ITGBL1: variants seen among roughly 807,000 people sequenced by gnomAD.
ITGBL1 encodes the protein integrin subunit beta like 1, also known as integrin beta-like protein 1.
ITGBL1 carries 51 observed loss-of-function variants against 68.5 expected under a neutral mutation model. That is an observed-to-expected ratio of 0.74 (90% CI 0.59 to 0.94). The LOEUF is 0.94. ITGBL1 is among the 40% of genes least tolerant of loss of function. The pLI is 0.00. For missense variants in ITGBL1, 649 were observed against 647.4 expected, an observed-to-expected ratio of 1.00 and a Z score of -0.03; for synonymous variants, 209 against 227.3, an observed-to-expected ratio of 0.92 and a Z score of 0.72.
chr13:101,559,187 A>G (rs1451056288), intron 2 of ITGBL1, among the ~76,000 whole-genome samples: 2 of 152,198 alleles, frequency 1.3e-5, no homozygotes, highest in Non-Finnish European at 1.5e-5. Context: ...TGCTTTTAGT[A>G]GCAAACAAGA....
intron 7 of ITGBL1, among the ~76,000 whole-genome samples, chr13:101,656,178 G>A (rs1389218821): frequency 6.6e-6 from 1 of 152,156 alleles, no homozygotes; most frequent in Non-Finnish European, 1.5e-5. Flanking sequence ...AGAGACTGTG[G>A]AGACCAAGGT....
At chr13:101,508,771 A>G (rs1259642791) in intron 2 of ITGBL1, among the ~76,000 whole-genome samples, 1 of 152,144 alleles carries the variant, frequency 6.6e-6, no homozygotes, top group Non-Finnish European at 1.5e-5. Flanking sequence ...GTTTTTGTCC[A>G]GAGCTCAGAT....
intron 7 of ITGBL1, among the ~76,000 whole-genome samples, chr13:101,604,874 A>ATATATATATATATATATATG (rs2030614967): frequency 2.4e-5 from 1 of 42,044 alleles, no homozygotes; most frequent in Non-Finnish European, 5.0e-5. Context: ...ATATATATAT[A>ATATATATATATATATATATG]TATATATATA....
chr13:101,647,667 T>G (rs2217903), intron 7 of ITGBL1, among the ~76,000 whole-genome samples: 124,487 of 152,040 alleles, frequency 0.82, 51,028 homozygotes, highest in Middle Eastern at 0.88. Flanking sequence ...AACTTGGATA[T>G]AAGAAGAGAA....
intron 7 of ITGBL1, among the ~76,000 whole-genome samples, chr13:101,644,110 C>A (rs571244706): frequency 6.6e-6 from 1 of 152,272 alleles, no homozygotes; most frequent in East Asian, 1.9e-4. Context: ...GCATGCTTGG[C>A]CCTCCCTGTT....
At chr13:101,705,915 C>G (rs560064924) in intron 8 of ITGBL1, among the ~76,000 whole-genome samples, 1 of 152,142 alleles carries the variant, frequency 6.6e-6, no homozygotes, top group Non-Finnish European at 1.5e-5. Flanking sequence ...CTCAGTAACT[C>G]TTCGCTAGGC....
chr13:101,585,574 G>A (rs561496463), intron 6 of ITGBL1, among the ~76,000 whole-genome samples: 1 of 152,118 alleles, frequency 6.6e-6, no homozygotes, highest in Admixed American at 6.5e-5. Context: ...GGGGCTACAG[G>A]TGCCCACCAC....
chr13:101,508,469 A>G (rs561312833), intron 2 of ITGBL1, among the ~76,000 whole-genome samples: 3 of 152,194 alleles, frequency 2.0e-5, no homozygotes, highest in Non-Finnish European at 4.4e-5. Flanking sequence ...AAACTGCTTT[A>G]TAAGAATATG....
rs150875474 is a variant in ITGBL1, at chr13:101,614,550, C to G, written c.1015+16251C>G. On this transcript the variant is annotated intron_variant, in intron 7 of 10. Coordinates refer to ENST00000376180, the MANE Select transcript of ITGBL1 (RefSeq NM_004791.3). ...ATTATTAAATCAAAGAACTGACCAG[C>G]GAATCCATATCAGCTCCCTACAATC... Among the ~76,000 whole-genome samples, 1,202 of 152,214 alleles carry G rather than the reference C, an allele frequency of 7.9e-3. 16 individuals carry two copies. Among genetic ancestry groups the G allele is most frequent in the African/African-American group, 0.028 (1,165 of 41,534 alleles).
chr13:101,489,357 A>C (rs1325497236), intron 2 of ITGBL1, among the ~76,000 whole-genome samples: 1 of 152,214 alleles, frequency 6.6e-6, no homozygotes, highest in African/African-American at 2.4e-5. Context: ...AAATCTTTCC[A>C]AAGTAGGGAT....
Position 101,536,816 on chromosome 13 carries a change from A to G in ITGBL1, c.317-30883A>G, listed in dbSNP as rs138379049. ...TGATTTCTGGTCAAATTAATTTACT[A>G]TAATCTCATATTAATAATTATTTCC... On this transcript the variant is annotated intron_variant, in intron 2 of 10. Transcript: ENST00000376180. Among the ~76,000 whole-genome samples, 454 of 152,150 alleles carry G rather than the reference A, an allele frequency of 3.0e-3. 1 individual carries two copies. The highest frequency in any genetic ancestry group is 0.014 in the Middle Eastern group (4 of 294).
chr13:101,567,669 G>A, intron 2 of ITGBL1, 30 bp from the exon 3 acceptor site: 2 of 1,602,294 alleles, frequency 1.2e-6, no homozygotes, highest in Non-Finnish European at 1.7e-6. Flanking sequence ...AAAACAATTT[G>A]AGTCTGACTA....
chr13:101,709,091 C>A (rs1443026015), intron 9 of ITGBL1, among the ~76,000 whole-genome samples: 3 of 152,260 alleles, frequency 2.0e-5, no homozygotes. Flanking sequence ...GGAGGCCGGG[C>A]GCGGTGGCTC....
At chr13:101,714,621 C>A in intron 10 of ITGBL1, 70 bp downstream of exon 10, 1 of 951,896 alleles carries the variant, frequency 1.1e-6, no homozygotes, top group Non-Finnish European at 1.7e-6. Context: ...ACTCGTCATG[C>A]AATGCTTTAG....
chr13:101,569,299 T>G (rs2050235756), intron 3 of ITGBL1, among the ~76,000 whole-genome samples: 1 of 152,188 alleles, frequency 6.6e-6, no homozygotes, highest in South Asian at 2.1e-4. Context: ...TATAATCAAA[T>G]GTGGTAGTCT....
At chr13:101,605,508 G>GTATA (rs146734889) in intron 7 of ITGBL1, among the ~76,000 whole-genome samples, 135,895 of 137,212 alleles carry the variant, frequency 0.99, 67,343 homozygotes, top group Non-Finnish European at 1. Flanking sequence ...ATGTATATGC[G>GTATA]TATACACATA....
chr13:101,560,818 G>A (rs2050087214), intron 2 of ITGBL1, among the ~76,000 whole-genome samples: 1 of 152,072 alleles, frequency 6.6e-6, no homozygotes, highest in Non-Finnish European at 1.5e-5. Flanking sequence ...GTAAATGCAG[G>A]GCTGTGTAGC....
intron 10 of ITGBL1, chr13:101,715,360 C>A: frequency 1.8e-6 from 1 of 557,902 alleles, no homozygotes. Flanking sequence ...AGGGTGGCAC[C>A]AAATAAATGC....
chr13:101,593,216 C>G (rs1046325884), intron 6 of ITGBL1, among the ~76,000 whole-genome samples: 1 of 151,444 alleles, frequency 6.6e-6, no homozygotes, highest in Non-Finnish European at 1.5e-5. Flanking sequence ...CCTCTTCACT[C>G]CAGTTAGAAT....
Sources: gnomAD v4.1 joint callset for allele counts (sites outside exome capture counted in the v4.1 genomes callset) on GRCh38, gnomAD v4.1.1 for gene constraint, MANE v1.5 for transcripts, NCBI Gene and HGNC (gene_info 2026-07-23, HGNC 2026-07-21) for gene names.